PAK6: variants seen among roughly 807,000 people sequenced by gnomAD.
PAK6 encodes the protein serine/threonine-protein kinase PAK 6.
Under a neutral mutation model 60.8 loss-of-function variants are expected in PAK6, and 33 were observed. That is an observed-to-expected ratio of 0.54 (90% CI 0.41 to 0.73). The LOEUF (loss-of-function observed/expected upper bound fraction) is 0.73, where lower values mean the gene tolerates loss of function less well. PAK6 is among the 30% of genes least tolerant of loss of function. The probability of loss-of-function intolerance (pLI) is 0.00; values close to 1 mark genes in which losing one functional copy is unlikely to be tolerated. For synonymous variants in PAK6, 404 were observed against 378.5 expected, an observed-to-expected ratio of 1.07 and a Z score of -0.78; for missense variants, 845 against 904.1, an observed-to-expected ratio of 0.93 and a Z score of 0.84.
intron 7 of PAK6, 129 bp from the exon 8 acceptor site, chr15:40,273,217 C>T (rs112949921): frequency 1.7e-5 from 21 of 1,243,250 alleles, no homozygotes; most frequent in Middle Eastern, 2.9e-4. Context: ...TATGGCCTGA[C>T]TGTGCTGCCA....
intron 3 of PAK6, chr15:40,264,054 G>A: frequency 4.8e-6 from 2 of 417,436 alleles, no homozygotes; most frequent in Non-Finnish European, 9.7e-6. Flanking sequence ...TTGGCTCAGG[G>A]CCTTTCTGGA....
At chr15:40,260,003 C>A (rs1198146000) in intron 3 of PAK6, 3 of 152,066 alleles carry the variant, frequency 2.0e-5, no homozygotes, top group Non-Finnish European at 2.9e-5. Flanking sequence ...TCTTTAAAAA[C>A]CCCCTACCCC....
chr15:40,249,155 CT>C (rs1237313044), intron 2 of PAK6, among the ~76,000 whole-genome samples: 2 of 152,142 alleles, frequency 1.3e-5, no homozygotes, highest in Non-Finnish European at 2.9e-5. Context: ...CCAGGGATCT[CT>C]CTGGGGGCCT....
At position 40,273,333 on chromosome 15, in the gene PAK6, C is replaced by T; in HGVS notation, c.1491-13C>T. 2 of 1,612,084 alleles carry T rather than the reference C, an allele frequency of 1.2e-6. No homozygotes were observed. The highest frequency in any genetic ancestry group is 1.7e-6 in the Non-Finnish European group (2 of 1,178,952). The stretch of plus-strand genomic sequence containing the variant: ...CGTTCTCTTTCATCGGGTGGCCCCA[C>T]CTTCCTGTCCAGGCTGAATGAGGAG... On this transcript the variant is annotated splice_polypyrimidine_tract_variant and intron_variant, in intron 7 of 10. Transcript: ENST00000560346.
rs545951683 is a variant in PAK6, at chr15:40,268,402, C to T, written c.858+1907C>T. ...CGGTTGGAATAACCAAAAATGCCTC[C>T]AGACACTGCCAAATGTCACTCGAGC... On this transcript the variant is annotated intron_variant, in intron 5 of 10. Transcript: ENST00000560346. 2.0e-5 allele frequency among the ~76,000 whole-genome samples: 3 copies of T among 152,312 alleles called. No homozygotes were observed. In the East Asian group the frequency reaches 5.8e-4, roughly 29 times the overall value.
intron 2 of PAK6, among the ~76,000 whole-genome samples, chr15:40,247,842 G>A (rs905590151): frequency 1.3e-5 from 2 of 152,110 alleles, no homozygotes; most frequent in Admixed American, 6.5e-5. Flanking sequence ...TTTTCTGGAC[G>A]AATCCTGGGA....
chr15:40,239,266 G>T (rs973355487), upstream of PAK6: 11 of 152,272 alleles, frequency 7.2e-5, no homozygotes, highest in Non-Finnish European at 1.3e-4. Context: ...GCCACACTCT[G>T]GAGACAGCCA....
chr15:40,276,886 G>A (rs1206299207), exon 11 of PAK6: 2 of 151,908 alleles, frequency 1.3e-5, no homozygotes, highest in African/African-American at 2.4e-5. Flanking sequence ...GTTCTGGCCT[G>A]AAGGGACCTG....
At chr15:40,266,114 G>A (rs373870185) in exon 5 of PAK6, 37 of 1,607,132 alleles carry the variant, frequency 2.3e-5, no homozygotes, top group Middle Eastern at 3.3e-4. Flanking sequence ...AGCAGATGCC[G>A]TGGCCCGAGC....
chr15:40,249,799 G>C (rs550593703), intron 2 of PAK6, among the ~76,000 whole-genome samples: 117 of 152,344 alleles, frequency 7.7e-4, no homozygotes, highest in African/African-American at 2.6e-3. Context: ...AGGGATAACC[G>C]GGAAGTGCCT....
chr15:40,261,860 CTTCT>C (rs2038994182), intron 3 of PAK6, among the ~76,000 whole-genome samples: 1 of 152,178 alleles, frequency 6.6e-6, no homozygotes, highest in African/African-American at 2.4e-5. Flanking sequence ...CTGGGCTGTC[CTTCT>C]TTCTTCTCCA....
chr15:40,272,849 C>A lies in PAK6; in HGVS notation c.1357-17C>A. ...CTGGGCACTGTGCCTGGCACTCAGGCCCCCGCCTGCCCCCAGGTGGTGATC... is the reference window on the plus strand; with the variant it reads ...CTGGGCACTGTGCCTGGCACTCAGGACCCCGCCTGCCCCCAGGTGGTGATC... On this transcript the variant is annotated splice_polypyrimidine_tract_variant and intron_variant, in intron 6 of 10. Coordinates refer to ENST00000560346, the Ensembl canonical transcript of PAK6. The A allele has an allele frequency of 6.2e-7, 1 of 1,611,748 alleles. No homozygotes were observed. Among genetic ancestry groups the A allele is most frequent in the Non-Finnish European group, 8.5e-7 (1 of 1,178,850 alleles).
At chr15:40,260,857 G>A (rs557967735) in intron 3 of PAK6, among the ~76,000 whole-genome samples, 22 of 151,344 alleles carry the variant, frequency 1.5e-4, no homozygotes, top group Non-Finnish European at 3.1e-4. Flanking sequence ...TAGATATTTT[G>A]TATTTTTAAT....
At chr15:40,239,511 C>T (rs971617124) in exon 1 of PAK6, 12 of 152,400 alleles carry the variant, frequency 7.9e-5, no homozygotes, top group Middle Eastern at 3.1e-3. Context: ...ATGGGACTTG[C>T]TGTGAGTCTG....
chr15:40,264,951 C>A (rs748152028), exon 4 of PAK6: 6 of 1,613,620 alleles, frequency 3.7e-6, no homozygotes, highest in Middle Eastern at 3.3e-4. Context: ...CGTGGTGGAC[C>A]CTTCGCGAAT....
At chr15:40,272,412 G>A (rs766593991) in exon 6 of PAK6, 37 of 1,613,432 alleles carry the variant, frequency 2.3e-5, no homozygotes, top group African/African-American at 4.0e-5. Flanking sequence ...CTTCCCCAGC[G>A]GGATCCCCCC....
intron 7 of PAK6, 127 bp downstream of exon 7, chr15:40,273,126 A>T: frequency 7.8e-7 from 1 of 1,285,796 alleles, no homozygotes; most frequent in South Asian, 1.4e-5. Flanking sequence ...CTGCTGGGGT[A>T]ACTGAGACCC....
exon 8 of PAK6, chr15:40,273,430 G>A (rs530451278): frequency 1.9e-6 from 3 of 1,613,912 alleles, no homozygotes; most frequent in Non-Finnish European, 2.5e-6. Flanking sequence ...TCATCCACCG[G>A]GACATCAAGA....
intron 9 of PAK6, 60 bp downstream of exon 9, chr15:40,273,736 C>A: frequency 5.0e-6 from 8 of 1,587,388 alleles, no homozygotes; most frequent in Non-Finnish European, 6.0e-6. Flanking sequence ...GGCAGCTCTT[C>A]TGCTGTGGCC....
Sources: gnomAD v4.1 joint callset for allele counts (sites outside exome capture counted in the v4.1 genomes callset) on GRCh38, gnomAD v4.1.1 for gene constraint, MANE v1.5 for transcripts, NCBI Gene and HGNC (gene_info 2026-07-23, HGNC 2026-07-21) for gene names.